The following PRCC variants were observed in gnomAD, a reference collection of about 807,000 sequenced individuals.
PRCC encodes proline rich mitotic checkpoint control factor, also known as proline-rich protein PRCC.
In PRCC, 10 loss-of-function variants were observed where a neutral mutation model predicts 44.0. The ratio of observed to expected loss-of-function variants is 0.23; its 90% CI spans 0.14 to 0.39. PRCC has a LOEUF of 0.39. Among genes scored for constraint, PRCC ranks in the 10% least tolerant of loss-of-function variants. The pLI is 1.00. For missense variants in PRCC, 573 were observed against 624.7 expected, an observed-to-expected ratio of 0.92 and a Z score of 0.88; for synonymous variants, 278 against 259.5, an observed-to-expected ratio of 1.07 and a Z score of -0.69.
chr1:156,781,690 T>C (rs755483466), intron 1 of PRCC, among the ~76,000 whole-genome samples: 1 of 152,240 alleles, frequency 6.6e-6, no homozygotes, highest in Non-Finnish European at 1.5e-5. Context: ...ATTTGCCTGC[T>C]TTCTTCCTGG....
Position 156,795,285 on chromosome 1 carries a change from G to GTTTTTTTTTTTTTTTTTTTTTTTTTTT in PRCC, c.1323+501_1323+502insTTTTTTTTTTTTTTTTTTTTTTTTTTT, listed in dbSNP as rs35911411. Reference sequence around the variant, plus strand: ...CTTCCAATTGTTTTCATTTTCTGGTGTTTTTTTTTTTTTTTTTTTTTTTTC... The same window carrying GTTTTTTTTTTTTTTTTTTTTTTTTTTT: ...CTTCCAATTGTTTTCATTTTCTGGTGTTTTTTTTTTTTTTTTTTTTTTTTTTTTTTTTTTTTTTTTTTTTTTTTTTTC... On this transcript the variant is annotated intron_variant, in intron 5 of 6. Transcript: ENST00000271526. Among the ~76,000 whole-genome samples the GTTTTTTTTTTTTTTTTTTTTTTTTTTT allele has an allele frequency of 1.7e-4, 6 of 36,062 alleles. 1 individual carries two copies. The highest frequency in any genetic ancestry group is 2.2e-4 in the Non-Finnish European group (5 of 23,072). The allele number at this position is 36,062 out of a possible 152,430, so 23.7% of individuals were successfully genotyped here.
chr1:156,786,945 C>T lies in PRCC; in HGVS notation c.854C>T (p.Pro285Leu). ...NFFSLPEKAEPPGVEPYPYPI... is the reference protein window; with the variant it reads ...NFFSLPEKAELPGVEPYPYPI... ...TTCTCCCTCCCTGAAAAGGCTGAGCCACCTGGAGTTGAGCCATACCCTTAC... is the reference window on the plus strand; with the variant it reads ...TTCTCCCTCCCTGAAAAGGCTGAGCTACCTGGAGTTGAGCCATACCCTTAC... Residue 285 changes from proline (P) to leucine (L), a missense_variant, in exon 3 of 7, where the codon CCA (proline) becomes CTA (leucine). Physicochemically the swap from Pro to Leu is moderately conservative, Grantham distance 98. Transcript: ENST00000271526. The T allele has an allele frequency of 6.2e-7, 1 of 1,614,216 alleles. No individual in the cohort carries two copies. The highest frequency in any genetic ancestry group is 1.1e-5 in the South Asian group (1 of 91,082).
chr1:156,797,965 CAG>C (rs750971771), intron 6 of PRCC, among the ~76,000 whole-genome samples: 8 of 151,902 alleles, frequency 5.3e-5, no homozygotes, highest in Non-Finnish European at 7.4e-5. Context: ...TTTTTGGAGA[CAG>C]GGGTCTTACT....
intron 1 of PRCC, among the ~76,000 whole-genome samples, chr1:156,776,477 T>G (rs12092565): frequency 0.039 from 5,998 of 152,102 alleles, 361 homozygotes; most frequent in African/African-American, 0.13. Context: ...GGTTTTTTTT[T>G]TGTGTGTGTG....
chr1:156,767,765 A>G lies in PRCC; in HGVS notation c.-7A>G. On this transcript the variant is annotated 5_prime_UTR_variant, in exon 1 of 7. Transcript: ENST00000271526. ...CCGGCAAGGGCGCCCGAAACGCGGGAGGCGCCATGTCGCTGGTTGCTTACG... is the reference window on the plus strand; with the variant it reads ...CCGGCAAGGGCGCCCGAAACGCGGGGGGCGCCATGTCGCTGGTTGCTTACG... 1 of 1,589,704 alleles carries G rather than the reference A, an allele frequency of 6.3e-7. No homozygotes were observed. Among genetic ancestry groups the G allele is most frequent in the Non-Finnish European group, 8.5e-7 (1 of 1,169,746 alleles).
intron 2 of PRCC, among the ~76,000 whole-genome samples, chr1:156,785,078 T>C (rs1652187812): frequency 6.6e-6 from 1 of 152,206 alleles, no homozygotes; most frequent in South Asian, 2.1e-4. Context: ...CTAAAGATAC[T>C]AAAATTACAT....
chr1:156,794,863 T>A, intron 5 of PRCC, 55 bp downstream of exon 5: 1 of 1,605,172 alleles, frequency 6.2e-7, no homozygotes, highest in Non-Finnish European at 8.5e-7. Flanking sequence ...AAGCAAAATC[T>A]TGTCTTACTC....
chr1:156,782,556 C>T (rs1027482062), intron 2 of PRCC, among the ~76,000 whole-genome samples: 1 of 152,096 alleles, frequency 6.6e-6, no homozygotes, highest in Non-Finnish European at 1.5e-5. Flanking sequence ...TCCTGGAAGA[C>T]AGGCAGTGGT....
chr1:156,774,735 C>T (rs997037934), intron 1 of PRCC, among the ~76,000 whole-genome samples: 7 of 151,880 alleles, frequency 4.6e-5, no homozygotes, highest in Non-Finnish European at 8.8e-5. Flanking sequence ...TGGTGGATCA[C>T]GAGGTCAATA....
At chr1:156,784,194 A>C (rs1652152185) in intron 2 of PRCC, among the ~76,000 whole-genome samples, 1 of 152,082 alleles carries the variant, frequency 6.6e-6, no homozygotes, top group African/African-American at 2.4e-5. Flanking sequence ...TGATCTGCCC[A>C]TCTCGGCCTC....
At position 156,774,157 on chromosome 1, in the gene PRCC, C is replaced by CTTTTTT. The variant is rs76271348; in HGVS notation, c.468+5949_468+5954dup. On this transcript the variant is annotated intron_variant, in intron 1 of 6. Transcript: ENST00000271526. ...GAGTTTCTTTCTTTTTTTGAGTCACCTTTTTTTTTTTTTTTTTTTTTTTTT... is the reference window on the plus strand; with the variant it reads ...GAGTTTCTTTCTTTTTTTGAGTCACCTTTTTTTTTTTTTTTTTTTTTTTTTTTTTTT... Among the ~76,000 whole-genome samples the CTTTTTT allele has an allele frequency of 4.3e-4, 23 of 54,000 alleles. 6 individuals are homozygous for CTTTTTT. Among genetic ancestry groups the CTTTTTT allele is most frequent in the Non-Finnish European group, 5.5e-4 (17 of 31,012 alleles). The allele number at this position is 54,000 out of a possible 152,430, so 35.4% of individuals were successfully genotyped here.
At position 156,767,902 on chromosome 1, in the gene PRCC, C is replaced by A. The variant is rs1057045698; in HGVS notation, c.131C>A (p.Ala44Glu). 6.2e-7 allele frequency: 1 copy of A among 1,602,862 alleles called. No individual in the cohort carries two copies. The highest frequency in any genetic ancestry group is 1.1e-5 in the South Asian group (1 of 88,944). The change falls in exon 1 of 7, where the codon GCG becomes GAG. Residue 44 changes from alanine to glutamate, a missense_variant. Coordinates refer to ENST00000271526, the MANE Select transcript of PRCC (RefSeq NM_005973.5). Reference protein sequence around the residue: ...ALGGLFASLPAPKGPALLPPP... With the variant: ...ALGGLFASLPEPKGPALLPPP... Reference sequence around the variant, plus strand: ...GGGGGCTTGTTCGCTTCTCTCCCTGCGCCCAAGGGTCCGGCCTTGCTGCCT... The same window carrying A: ...GGGGGCTTGTTCGCTTCTCTCCCTGAGCCCAAGGGTCCGGCCTTGCTGCCT...
rs1210294918 is a variant in PRCC, at chr1:156,797,323, C to G, written c.1371C>G (p.Ile457Met). ...PTGQQRRKHQ[I>M]TYLIHQAKER... is the part of the protein sequence containing the mutation. Reference sequence around the variant, plus strand: ...GCCAGCAGCGGCGGAAACACCAGATCACATATCTTATTCATCAGGTGAGAG... The same window carrying G: ...GCCAGCAGCGGCGGAAACACCAGATGACATATCTTATTCATCAGGTGAGAG... Residue 457 changes from isoleucine to methionine, a missense_variant, in exon 6 of 7, where the codon ATC (isoleucine) becomes ATG (methionine). By Grantham distance (10) the Ile-to-Met change is conservative (BLOSUM62 1). Transcript: ENST00000271526. 6.2e-7 allele frequency: 1 copy of G among 1,614,192 alleles called. No homozygotes were observed. The highest frequency in any genetic ancestry group is 8.5e-7 in the Non-Finnish European group (1 of 1,180,028).
At chr1:156,772,055 C>T (rs911381571) in intron 1 of PRCC, among the ~76,000 whole-genome samples, 3 of 152,064 alleles carry the variant, frequency 2.0e-5, no homozygotes, top group African/African-American at 7.2e-5. Flanking sequence ...GATGGGGTTT[C>T]ACCATGTTGC....
Position 156,794,647 on chromosome 1 carries a change from C to A in PRCC, c.1180-18C>A. 6.2e-7 allele frequency: 1 copy of A among 1,613,594 alleles called. No individual in the cohort carries two copies. The highest frequency in any genetic ancestry group is 8.5e-7 in the Non-Finnish European group (1 of 1,179,776). On this transcript the variant is annotated intron_variant, in intron 4 of 6. Coordinates refer to ENST00000271526, the MANE Select transcript of PRCC (RefSeq NM_005973.5). ...CCCTTGCCCAGATTCCTGACTCCTGCATTTTTTTCTTTTCCAGTTTAAGCG... is the reference window on the plus strand; with the variant it reads ...CCCTTGCCCAGATTCCTGACTCCTGAATTTTTTTCTTTTCCAGTTTAAGCG...
intron 1 of PRCC, among the ~76,000 whole-genome samples, chr1:156,779,360 AATT>A (rs939189951): frequency 2.0e-5 from 3 of 148,828 alleles, no homozygotes; most frequent in South Asian, 2.1e-4. Flanking sequence ...GTATTATTTT[AATT>A]ATTATTATTA....
chr1:156,788,055 C>T (rs1485468270), intron 3 of PRCC, among the ~76,000 whole-genome samples: 1 of 152,082 alleles, frequency 6.6e-6, no homozygotes, highest in Non-Finnish European at 1.5e-5. Context: ...AGGGTGGTCT[C>T]AAACTTCTGG....
chr1:156,791,697 G>GATT lies in PRCC; in HGVS notation c.1089_1091dup (p.Tyr364dup). 1.2e-6 allele frequency: 2 copies of GATT among 1,610,938 alleles called. No homozygotes were observed. The highest frequency in any genetic ancestry group is 1.7e-6 in the Non-Finnish European group (2 of 1,178,894). On this transcript the variant is annotated inframe_insertion and splice_region_variant, in exon 4 of 7. Transcript: ENST00000271526. ...GTTTTTCTTTCCTGTTTGGCTGCAG[G>GATT]ATTATTACAGTGGTGGCTACTATCC...
intron 1 of PRCC, among the ~76,000 whole-genome samples, chr1:156,774,168 T>C (rs28792152): frequency 0.031 from 1,805 of 58,804 alleles, 21 homozygotes; most frequent in South Asian, 0.046. Flanking sequence ...TTTTTTTTTT[T>C]TTTTTTTTTT....
Sources: allele counts gnomAD v4.1 joint callset (sites outside exome capture counted in the v4.1 genomes callset), GRCh38; gene constraint gnomAD v4.1.1; transcripts MANE v1.5; gene names NCBI Gene and HGNC (gene_info 2026-07-23, HGNC 2026-07-21).